Variants in CERS3 observed in about 807,000 individuals in gnomAD.
CERS3 encodes the protein ceramide synthase 3.
CERS3 carries 33 observed loss-of-function variants against 50.3 expected under a neutral mutation model. That is an observed-to-expected ratio of 0.66 (90% CI 0.50 to 0.88). The LOEUF (loss-of-function observed/expected upper bound fraction) is 0.88. CERS3 is among the 40% of genes least tolerant of loss of function. The pLI is 0.00. For synonymous variants in CERS3, 176 were observed against 155.2 expected (o/e 1.13, Z -0.99); for missense variants, 470 against 460.3 (o/e 1.02, Z -0.19).
At chr15:100,451,248 AAATT>A (rs1389125514) in intron 11 of CERS3, among the ~76,000 whole-genome samples, 4 of 152,344 alleles carry the variant, frequency 2.6e-5, no homozygotes, top group African/African-American at 7.2e-5. Flanking sequence ...GAACAACTAG[AAATT>A]AATTAATAAA....
chr15:100,497,422 C>G (rs565052906), intron 3 of CERS3, among the ~76,000 whole-genome samples: 1 of 151,372 alleles, frequency 6.6e-6, no homozygotes. Flanking sequence ...TTTATCCAAC[C>G]TAGTAGCTGG....
At chr15:100,485,299 T>C (rs1213405509) in intron 4 of CERS3, among the ~76,000 whole-genome samples, 4 of 152,198 alleles carry the variant, frequency 2.6e-5, no homozygotes, top group Non-Finnish European at 5.9e-5. Context: ...CAAAATATGA[T>C]GATGATGATT....
intron 1 of CERS3, among the ~76,000 whole-genome samples, chr15:100,542,339 T>C (rs2037220653): frequency 6.6e-6 from 1 of 152,218 alleles, no homozygotes; most frequent in African/African-American, 2.4e-5. Context: ...CAAAAGATCC[T>C]TATTTGGTCA....
intron 11 of CERS3, among the ~76,000 whole-genome samples, chr15:100,410,031 T>A (rs1277623270): frequency 6.6e-6 from 1 of 152,146 alleles, no homozygotes; most frequent in Non-Finnish European, 1.5e-5. Flanking sequence ...ACAGAGCATA[T>A]TGCTCTTCTG....
At chr15:100,530,433 C>T (rs1318151877), upstream of CERS3, among the ~76,000 whole-genome samples, 1 of 152,226 alleles carries the variant, frequency 6.6e-6, no homozygotes, top group Non-Finnish European at 1.5e-5. Flanking sequence ...GCTTCTGGGC[C>T]CTTGCCATGA....
At chr15:100,509,228 G>A (rs1402350687) in intron 2 of CERS3, among the ~76,000 whole-genome samples, 4 of 152,094 alleles carry the variant, frequency 2.6e-5, no homozygotes, top group South Asian at 2.1e-4. Context: ...CATTCCATTC[G>A]AACTTAGGAT....
chr15:100,451,378 G>A (rs1366833347), intron 11 of CERS3, among the ~76,000 whole-genome samples: 1 of 151,724 alleles, frequency 6.6e-6, no homozygotes, highest in Non-Finnish European at 1.5e-5. Context: ...ACTATATGCT[G>A]CCTACAAGAA....
At chr15:100,431,128 C>T (rs2033110605) in intron 11 of CERS3, among the ~76,000 whole-genome samples, 1 of 152,158 alleles carries the variant, frequency 6.6e-6, no homozygotes, top group Non-Finnish European at 1.5e-5. Context: ...GACCACAAAC[C>T]CTCTCTGGAT....
rs118153808 is a variant in CERS3, at chr15:100,539,349, G to A, written c.-355+5302C>T. ...TTATAGCAGCACCCCACTCTCTGCA[G>A]TACTAATGTACTGTATTAGTCCATT... On this transcript the variant is annotated intron_variant, in intron 1 of 12. Coordinates refer to the CERS3 transcript ENST00000284382. 2.0e-5 allele frequency among the ~76,000 whole-genome samples: 3 copies of A among 152,282 alleles called. No homozygotes were observed. The East Asian group carries it at 5.8e-4, about 29-fold the overall frequency.
intron 11 of CERS3, among the ~76,000 whole-genome samples, chr15:100,438,106 G>A (rs767678154): frequency 8.9e-4 from 131 of 146,988 alleles, no homozygotes; most frequent in Non-Finnish European, 1.2e-3. Context: ...GTGCAGTGGT[G>A]TGATCTTGGC....
intron 11 of CERS3, among the ~76,000 whole-genome samples, chr15:100,404,786 T>C (rs1028512804): frequency 6.6e-6 from 1 of 152,118 alleles, no homozygotes; most frequent in Non-Finnish European, 1.5e-5. Flanking sequence ...TGCAGATCAG[T>C]GGAACAGAAT....
At chr15:100,532,900 C>T (rs2036972744), upstream of CERS3, among the ~76,000 whole-genome samples, 1 of 152,190 alleles carries the variant, frequency 6.6e-6, no homozygotes, top group South Asian at 2.1e-4. Flanking sequence ...AATACCTACC[C>T]CGCTCAAATG....
chr15:100,470,756 T>C (rs141634124), intron 9 of CERS3, among the ~76,000 whole-genome samples: 75 of 152,310 alleles, frequency 4.9e-4, no homozygotes, highest in African/African-American at 1.6e-3. Flanking sequence ...GATCCAAACT[T>C]GACCATGTGG....
At chr15:100,538,454 T>C (rs2142432321) in intron 1 of CERS3, among the ~76,000 whole-genome samples, 1 of 152,348 alleles carries the variant, frequency 6.6e-6, no homozygotes, top group East Asian at 1.9e-4. Flanking sequence ...TCCTCTGAAA[T>C]CTAGGCAGAG....
chr15:100,442,599 C>G (rs559874756), intron 11 of CERS3, among the ~76,000 whole-genome samples: 1 of 152,166 alleles, frequency 6.6e-6, no homozygotes, highest in Non-Finnish European at 1.5e-5. Flanking sequence ...AAGGAATGCT[C>G]GCAGCCTGGG....
intron 11 of CERS3, among the ~76,000 whole-genome samples, chr15:100,449,408 A>G (rs902026247): frequency 1.3e-5 from 2 of 152,196 alleles, no homozygotes; most frequent in African/African-American, 2.4e-5. Flanking sequence ...CTCCTGCCCC[A>G]TCACTGCCAC....
intron 11 of CERS3, among the ~76,000 whole-genome samples, chr15:100,432,378 C>T (rs1359106325): frequency 6.6e-6 from 1 of 152,130 alleles, no homozygotes; most frequent in Non-Finnish European, 1.5e-5. Context: ...TAACTTCCAA[C>T]AAAAACGAAA....
At chr15:100,458,894 C>T (rs912773434) in intron 10 of CERS3, among the ~76,000 whole-genome samples, 1 of 152,096 alleles carries the variant, frequency 6.6e-6, no homozygotes, top group Admixed American at 6.6e-5. Context: ...ATAAACAAAG[C>T]TACATATCAA....
At chr15:100,465,540 T>C (rs181640359) in intron 10 of CERS3, among the ~76,000 whole-genome samples, 46 of 152,304 alleles carry the variant, frequency 3.0e-4, no homozygotes, top group African/African-American at 1.0e-3. Flanking sequence ...CATTGAAAAT[T>C]GATCTGCCAA....
Sources: allele counts gnomAD v4.1 joint callset (sites outside exome capture counted in the v4.1 genomes callset), GRCh38; gene constraint gnomAD v4.1.1; transcripts MANE v1.5; gene names NCBI Gene and HGNC (gene_info 2026-07-23, HGNC 2026-07-21).